The following CD5 variants were observed in gnomAD, a reference collection of about 807,000 sequenced individuals.
The protein encoded by CD5 is T-cell surface glycoprotein CD5.
Under a neutral mutation model 60.3 loss-of-function variants are expected in CD5, and 36 were observed. The ratio of observed to expected loss-of-function variants is 0.60; its 90% CI spans 0.46 to 0.79. CD5 has a LOEUF of 0.79. Among genes scored for constraint, CD5 ranks in the 30% least tolerant of loss-of-function variants. CD5 has a pLI of 0.00. For synonymous variants in CD5, 230 were observed against 257.6 expected, an observed-to-expected ratio of 0.89 and a Z score of 1.03; for missense variants, 540 against 630.6, an observed-to-expected ratio of 0.86 and a Z score of 1.54.
chr11:61,108,457 G>A (rs563767351), intron 1 of CD5, among the ~76,000 whole-genome samples: 11 of 152,202 alleles, frequency 7.2e-5, no homozygotes, highest in Non-Finnish European at 1.0e-4. Context: ...CATAAAAGCC[G>A]CCTAATCATA....
At chr11:61,110,046 G>A (rs1267891134) in intron 1 of CD5, among the ~76,000 whole-genome samples, 2 of 152,108 alleles carry the variant, frequency 1.3e-5, no homozygotes, top group Non-Finnish European at 2.9e-5. Context: ...GTAAGCTGTA[G>A]AGCCCCCAGA....
intron 1 of CD5, among the ~76,000 whole-genome samples, chr11:61,109,992 G>A (rs1237409162): frequency 6.6e-6 from 1 of 152,238 alleles, no homozygotes; most frequent in East Asian, 1.9e-4. Context: ...TTTGGCAATA[G>A]CAGGAGCCTC....
chr11:61,102,864 C>G (rs1213267079), intron 1 of CD5, among the ~76,000 whole-genome samples: 1 of 152,212 alleles, frequency 6.6e-6, no homozygotes, highest in Non-Finnish European at 1.5e-5. Context: ...CCTGCTTTAC[C>G]CTTCCAGTGC....
chr11:61,110,502 T>A (rs979388734), intron 1 of CD5, among the ~76,000 whole-genome samples: 1 of 152,252 alleles, frequency 6.6e-6, no homozygotes, highest in Non-Finnish European at 1.5e-5. Context: ...TCTCACTGCA[T>A]GTTTTACTGA....
At position 61,121,680 on chromosome 11, in the gene CD5, G is replaced by A. The variant is rs776536087; in HGVS notation, c.875G>A (p.Arg292His). ...ATCTGTGAAGGCACCGTGGAGGTGC[G>A]CCAGGGGGCTCAGTGGGCAGCCCTG... Reference protein sequence around the residue: ...SSICEGTVEVRQGAQWAALCD... With the variant: ...SSICEGTVEVHQGAQWAALCD... Residue 292 changes from arginine (R) to histidine (H), a missense_variant, in exon 6 of 11, where the codon CGC becomes CAC. By Grantham distance (29) the Arg-to-His change is conservative. Transcript: ENST00000347785. The A allele has an allele frequency of 9.4e-6, 15 of 1,588,956 alleles. No individual in the cohort carries two copies. Among genetic ancestry groups the A allele is most frequent in the South Asian group, 4.5e-5 (4 of 88,994 alleles).
chr11:61,098,985 G>A (rs1860619956), upstream of CD5, among the ~76,000 whole-genome samples: 1 of 152,168 alleles, frequency 6.6e-6, no homozygotes, highest in Non-Finnish European at 1.5e-5. Context: ...CAGAGTACAG[G>A]AAGCCCAAGG....
chr11:61,102,259 T>G, upstream of CD5: 1 of 444,696 alleles, frequency 2.2e-6, no homozygotes. Flanking sequence ...CCCTCCAGGA[T>G]GCATGGCCTT....
the CD5 span, among the ~76,000 whole-genome samples, chr11:61,095,909 G>A: frequency 6.6e-5 from 10 of 152,362 alleles, no homozygotes; most frequent in Non-Finnish European, 1.5e-4. Context: ...GTCAAAGCAC[G>A]GAATATATCA....
intron 5 of CD5, among the ~76,000 whole-genome samples, chr11:61,120,237 C>G (rs1861037184): frequency 3.9e-5 from 6 of 152,180 alleles, no homozygotes; most frequent in Admixed American, 3.9e-4. Flanking sequence ...GAAACCACAG[C>G]TGAAACGAAG....
At chr11:61,114,092 A>ATTCTC (rs1860899650) in intron 1 of CD5, among the ~76,000 whole-genome samples, 1 of 152,148 alleles carries the variant, frequency 6.6e-6, no homozygotes, top group South Asian at 2.1e-4. Flanking sequence ...GCATTCTGAC[A>ATTCTC]TTCTCTTTTT....
chr11:61,104,763 G>GCCCATTGGC (rs1251969064), intron 1 of CD5, among the ~76,000 whole-genome samples: 1 of 152,360 alleles, frequency 6.6e-6, no homozygotes, highest in South Asian at 2.1e-4. Flanking sequence ...AAGTAGGTGG[G>GCCCATTGGC]CCCATTGGCC....
Position 61,121,918 on chromosome 11 carries a change from A to G in CD5, c.1099+14A>G. On this transcript the variant is annotated intron_variant, in intron 6 of 10. Transcript: ENST00000347785. ...TGTTTGTCACATGTGAGTTGGCCAC[A>G]GCCCACAGTGGGTGGAAGCAGTTAC... 1 of 1,518,906 alleles carries G rather than the reference A, an allele frequency of 6.6e-7. No homozygotes were observed. Among genetic ancestry groups the G allele is most frequent in the Non-Finnish European group, 8.9e-7 (1 of 1,124,284 alleles). 94.1% of individuals were successfully genotyped at this position (1,518,906 alleles called of 1,614,324 possible).
intron 5 of CD5, 85 bp downstream of exon 5, chr11:61,119,660 T>G: frequency 1.1e-6 from 1 of 942,070 alleles, no homozygotes; most frequent in Admixed American, 2.3e-5. Flanking sequence ...AGGGAACATG[T>G]GTGCAGCACA....
rs1861156563 is a variant in CD5, at chr11:61,126,959, A to G, written c.*674A>G. ...ACTCCCCTCCCCAACCCCCTCATCT[A>G]AAGACACCTTCCTTTCCACTGGCTG... On this transcript the variant is annotated 3_prime_UTR_variant, in exon 11 of 11. Coordinates refer to ENST00000347785, the MANE Select transcript of CD5 (RefSeq NM_014207.4). 1 of 152,178 alleles carries G rather than the reference A, an allele frequency of 6.6e-6. No homozygotes were observed. Among genetic ancestry groups the G allele is most frequent in the Admixed American group, 6.5e-5 (1 of 15,280 alleles). 9.4% of individuals were successfully genotyped at this position (152,178 alleles called of 1,614,324 possible).
At chr11:61,123,180 C>T in intron 7 of CD5, 148 bp downstream of exon 7, 1 of 910,544 alleles carries the variant, frequency 1.1e-6, no homozygotes, top group Non-Finnish European at 1.6e-6. Flanking sequence ...CCTCTCCTGC[C>T]CATTAGCCAT....
In CD5 at chr11:61,124,685, T is replaced by C. The variant is rs138761573; in HGVS notation, c.1280-347T>C. 3.2e-3 allele frequency among the ~76,000 whole-genome samples: 480 copies of C among 152,114 alleles called. 1 individual carries two copies. Among genetic ancestry groups the C allele is most frequent in the Non-Finnish European group, 5.5e-3 (373 of 67,986 alleles). Reference sequence around the variant, plus strand: ...AGAAAGGCTCTGGAAACTTTCTTAATAACATACAGGCCCTCAGCTCCTGGA... The same window carrying C: ...AGAAAGGCTCTGGAAACTTTCTTAACAACATACAGGCCCTCAGCTCCTGGA... On this transcript the variant is annotated intron_variant, in intron 8 of 10. Transcript: ENST00000347785.
At chr11:61,124,349 A>G (rs1255190130) in intron 8 of CD5, among the ~76,000 whole-genome samples, 2 of 152,218 alleles carry the variant, frequency 1.3e-5, no homozygotes, top group Non-Finnish European at 2.9e-5. Context: ...ACAGCTAAGC[A>G]TAGCTATTTC....
chr11:61,118,647 G>A lies in CD5; in HGVS notation c.400+167G>A, dbSNP rs756914285. ...ATACCCAGGAGGGGGACTGGAAGGGGCCAGCACCCATCTGTAGGATGGCAA... is the reference window on the plus strand; with the variant it reads ...ATACCCAGGAGGGGGACTGGAAGGGACCAGCACCCATCTGTAGGATGGCAA... On this transcript the variant is annotated intron_variant, in intron 3 of 10. Coordinates refer to ENST00000347785, the MANE Select transcript of CD5 (RefSeq NM_014207.4). The surrounding 1 kb of genome is among the most constrained non-coding windows in gnomAD (Gnocchi z 4.7). Among the ~76,000 whole-genome samples, 9 of 152,240 alleles carry A rather than the reference G, an allele frequency of 5.9e-5. No homozygotes were observed. The highest frequency in any genetic ancestry group is 1.2e-4 in the Non-Finnish European group (8 of 68,032).
intron 10 of CD5, among the ~76,000 whole-genome samples, chr11:61,126,058 C>A (rs769436340): frequency 6.6e-6 from 1 of 152,226 alleles, no homozygotes; most frequent in African/African-American, 2.4e-5. Flanking sequence ...TGAACTTTAA[C>A]AATCAACTCT....
Sources: gnomAD v4.1 joint callset for allele counts (sites outside exome capture counted in the v4.1 genomes callset) on GRCh38, gnomAD v4.1.1 for gene constraint, Gnocchi (gnomAD v3.1) non-coding constraint, MANE v1.5 for transcripts, NCBI Gene and HGNC (gene_info 2026-07-23, HGNC 2026-07-21) for gene names.